ECT2: variants seen among roughly 807,000 people sequenced by gnomAD.
ECT2 encodes protein ECT2.
Under a neutral mutation model 116.9 loss-of-function variants are expected in ECT2, and 61 were observed. The ratio of observed to expected loss-of-function variants is 0.52; its 90% confidence interval spans 0.42 to 0.65. ECT2 has a LOEUF of 0.65. ECT2 is among the 30% of genes least tolerant of loss of function. The pLI is 0.00. For missense variants in ECT2, 937 were observed against 1,078.7 expected, an observed-to-expected ratio of 0.87 and a Z score of 1.84; for synonymous variants, 358 against 346.4, an observed-to-expected ratio of 1.03 and a Z score of -0.37.
At chr3:172,809,568 T>TACACACAC (rs10576393) in intron 22 of ECT2, among the ~76,000 whole-genome samples, 1 of 147,150 alleles carries the variant, frequency 6.8e-6, no homozygotes, top group African/African-American at 2.5e-5. Flanking sequence ...TGTGTATATC[T>TACACACAC]ACACACACAC....
intron 22 of ECT2, 40 bp from the exon 23 acceptor site, chr3:172,815,564 G>A (rs779957266): frequency 6.8e-5 from 86 of 1,262,836 alleles, no homozygotes; most frequent in Middle Eastern, 2.0e-4. Flanking sequence ...AGAAACAGTT[G>A]TGTGTTTTTA....
chr3:172,808,069 G>T, intron 22 of ECT2, 145 bp downstream of exon 22: 3 of 814,518 alleles, frequency 3.7e-6, no homozygotes, highest in Non-Finnish European at 5.5e-6. Context: ...GTAATAAGTT[G>T]TTTTAGAAAA....
chr3:172,827,481 A>G, the ECT2 span, among the ~76,000 whole-genome samples: 40 of 152,352 alleles, frequency 2.6e-4, no homozygotes, highest in Admixed American at 5.9e-4. Context: ...TTGCAACCAC[A>G]TGGATGGAAC....
intron 14 of ECT2, among the ~76,000 whole-genome samples, chr3:172,775,876 C>T (rs966632320): frequency 2.6e-5 from 4 of 151,960 alleles, no homozygotes; most frequent in African/African-American, 9.7e-5. Flanking sequence ...TCAAGTGATC[C>T]GCCCGCCTCG....
chr3:172,757,228 C>A, intron 5 of ECT2, 63 bp downstream of exon 5: 1 of 1,233,400 alleles, frequency 8.1e-7, no homozygotes, highest in Non-Finnish European at 1.1e-6. Context: ...TTTTAATTAG[C>A]AAAAAATTTA....
rs1692916582 is a variant in ECT2 at position 172,802,467 on chromosome 3, TTAATG to T, written c.1908-143_1908-139del. On this transcript the variant is annotated intron_variant, in intron 18 of 24. Coordinates refer to ENST00000392692, the MANE Select transcript of ECT2 (RefSeq NM_001258315.2). ...GGGCTCCATAGGCATGGAAACCTTT[TTAATG>T]TAATGGGATACTTTTAAGGAATATT... The T allele has an allele frequency of 4.1e-5, 21 of 517,982 alleles. No homozygotes were observed. In the South Asian group the frequency reaches 6.3e-4, roughly 15 times the overall value. The allele number at this position is 517,982 out of a possible 1,614,324, so 32.1% of individuals were successfully genotyped here.
chr3:172,772,058 C>T (rs564563989), intron 13 of ECT2, among the ~76,000 whole-genome samples: 1 of 151,942 alleles, frequency 6.6e-6, no homozygotes, highest in South Asian at 2.1e-4. Context: ...TGCAGTGGTG[C>T]AATCTTGATT....
rs1728053748 is a variant in ECT2, at chr3:172,807,804, A to G, written c.2280A>G (p.Pro760=). Residue 760 remains proline (P), a synonymous_variant, in exon 22 of 25, where the codon CCA becomes CCG. Coordinates refer to ENST00000392692, the MANE Select transcript of ECT2 (RefSeq NM_001258315.2). ...CHNAFALLVR[P]PTEQANVLLS... is the part of the protein sequence containing the mutation. ...ATGCTTTTGCCTTGCTTGTGAGGCCACCAACAGAGCAGGCAAATGTGCTAC... is the reference window on the plus strand; with the variant it reads ...ATGCTTTTGCCTTGCTTGTGAGGCCGCCAACAGAGCAGGCAAATGTGCTAC... 3 of 1,613,706 alleles carry G rather than the reference A, an allele frequency of 1.9e-6. No individual in the cohort carries two copies. Among genetic ancestry groups the G allele is most frequent in the African/African-American group, 1.3e-5 (1 of 74,926 alleles).
chr3:172,797,018 C>CTGTGTGTA (rs1725780760), intron 18 of ECT2, among the ~76,000 whole-genome samples: 1 of 139,032 alleles, frequency 7.2e-6, no homozygotes, highest in South Asian at 2.5e-4. Flanking sequence ...TCAGGTTCAA[C>CTGTGTGTA]TGTGTGTGTG....
intron 2 of ECT2, 142 bp downstream of exon 2, chr3:172,754,802 T>A: frequency 1.5e-6 from 1 of 657,346 alleles, no homozygotes; most frequent in Non-Finnish European, 2.5e-6. Context: ...AGAATCCTTT[T>A]ACACTATGTC....
At chr3:172,759,570 G>C (rs6445087) in intron 6 of ECT2, among the ~76,000 whole-genome samples, 118,937 of 152,000 alleles carry the variant, frequency 0.78, 46,694 homozygotes, top group East Asian at 0.86. Flanking sequence ...GCCTCCCGAG[G>C]AGCTGGGACT....
chr3:172,782,156 A>G lies in ECT2; in HGVS notation c.1549-7A>G, dbSNP rs1722811110. 2 of 1,545,594 alleles carry G rather than the reference A, an allele frequency of 1.3e-6. No homozygotes were observed. The highest frequency in any genetic ancestry group is 2.3e-5 in the East Asian group (1 of 42,866). ...AATTTTAAATATTTCAATTCGTGCT[A>G]TTTCAGGATGATCTTGAAGACCTTA... On this transcript the variant is annotated splice_polypyrimidine_tract_variant and splice_region_variant and intron_variant, in intron 14 of 24. Coordinates refer to ENST00000392692, the MANE Select transcript of ECT2 (RefSeq NM_001258315.2).
At chr3:172,768,872 A>G (rs543891237) in intron 12 of ECT2, 135 bp from the exon 13 acceptor site, 1 of 1,069,462 alleles carries the variant, frequency 9.4e-7, no homozygotes, top group African/African-American at 1.6e-5. Flanking sequence ...TGAGAAAAAA[A>G]TTTTTTATTG....
At chr3:172,803,776 C>T (rs1430499078) in intron 20 of ECT2, among the ~76,000 whole-genome samples, 1 of 151,238 alleles carries the variant, frequency 6.6e-6, no homozygotes, top group African/African-American at 2.4e-5. Flanking sequence ...TTTTCTTTCT[C>T]TTTCTCTGTT....
In ECT2 at chr3:172,802,616, G is replaced by T; in HGVS notation, c.1908G>T (p.Thr636=). The change falls in exon 19 of 25, where the codon ACG becomes ACT. Residue 636 remains threonine (T), a splice_region_variant and synonymous_variant. Transcript: ENST00000392692. Reference sequence around the variant, plus strand: ...AGTTTTAAAAATAACTATTTTTCAGGCATATTAATGAGGATAAGAGAAAAA... The same window carrying T: ...AGTTTTAAAAATAACTATTTTTCAGTCATATTAATGAGGATAAGAGAAAAA... ...KAIGSLKEVM[T]HINEDKRKTE... 1 of 1,543,766 alleles carries T rather than the reference G, an allele frequency of 6.5e-7. No individual in the cohort carries two copies. Among genetic ancestry groups the T allele is most frequent in the Non-Finnish European group, 8.8e-7 (1 of 1,137,344 alleles).
chr3:172,825,394 TAGTG>T (rs924737499), downstream of ECT2, among the ~76,000 whole-genome samples: 5 of 152,122 alleles, frequency 3.3e-5, no homozygotes, highest in East Asian at 3.9e-4. Context: ...TTACTAAACT[TAGTG>T]AGGGAGGCAT....
chr3:172,814,416 T>C (rs932591364), intron 22 of ECT2, among the ~76,000 whole-genome samples: 4 of 152,070 alleles, frequency 2.6e-5, no homozygotes, highest in African/African-American at 4.8e-5. Flanking sequence ...AAGGTTGTTT[T>C]TTCTCTGTCA....
In ECT2 at chr3:172,815,715, A is replaced by T; in HGVS notation, c.2508+4A>T. The T allele has an allele frequency of 6.5e-7, 1 of 1,550,098 alleles. No homozygotes were observed. The highest frequency in any genetic ancestry group is 1.2e-5 in the South Asian group (1 of 85,172). On this transcript the variant is annotated splice_donor_region_variant and intron_variant, in intron 23 of 24. Coordinates refer to ENST00000392692, the MANE Select transcript of ECT2 (RefSeq NM_001258315.2). ...AATAAAAAAGACTTCAAAAAAGGTG[A>T]GTTTTAGTGAAAGTATTATTTAGCA...
At chr3:172,811,766 C>T (rs1484169798) in intron 22 of ECT2, among the ~76,000 whole-genome samples, 1 of 151,840 alleles carries the variant, frequency 6.6e-6, no homozygotes, top group African/African-American at 2.4e-5. Flanking sequence ...AGTAACTTAC[C>T]AATGTTTAGT....
Sources: gnomAD v4.1 joint callset for allele counts (sites outside exome capture counted in the v4.1 genomes callset) on GRCh38, gnomAD v4.1.1 for gene constraint, MANE v1.5 for transcripts, NCBI Gene and HGNC (gene_info 2026-07-23, HGNC 2026-07-21) for gene names.